The following RDH11 variants were observed in gnomAD, a reference collection of about 807,000 sequenced individuals.
RDH11 encodes retinol dehydrogenase 11.
In RDH11, 19 loss-of-function variants were observed where a neutral mutation model predicts 33.4. That is an observed-to-expected ratio of 0.57 (90% CI 0.40 to 0.83). RDH11 has a LOEUF of 0.83. Among genes scored for constraint, RDH11 ranks in the 40% least tolerant of loss-of-function variants. The probability of loss-of-function intolerance (pLI) is 0.00; values close to 1 mark genes in which losing one functional copy is unlikely to be tolerated. For missense variants in RDH11, 353 were observed against 389.0 expected, an observed-to-expected ratio of 0.91 and a Z score of 0.78; for synonymous variants, 154 against 155.3, an observed-to-expected ratio of 0.99 and a Z score of 0.06.
intron 4 of RDH11, 79 bp downstream of exon 4, chr14:67,691,061 G>A (rs910875637): frequency 6.7e-6 from 6 of 898,018 alleles, no homozygotes; most frequent in Admixed American, 5.2e-5. Flanking sequence ...CACACAACAA[G>A]AAGCCTCAAT....
intron 3 of RDH11, 88 bp downstream of exon 3, chr14:67,692,350 T>C: frequency 7.0e-7 from 1 of 1,432,882 alleles, no homozygotes; most frequent in Admixed American, 2.0e-5. Context: ...CCACCACTTC[T>C]ATGAGGAAGA....
At chr14:67,681,109 C>A (rs904279648) in intron 6 of RDH11, among the ~76,000 whole-genome samples, 14 of 152,094 alleles carry the variant, frequency 9.2e-5, no homozygotes, top group Non-Finnish European at 2.1e-4. Context: ...TAAATGAGGT[C>A]ATCAGGGCGG....
chr14:67,690,009 T>C (rs1319434313), intron 5 of RDH11: 4 of 556,170 alleles, frequency 7.2e-6, no homozygotes, highest in Non-Finnish European at 1.3e-5. Flanking sequence ...AAGCCAGGCC[T>C]TCAGACTCAA....
intron 3 of RDH11, chr14:67,692,047 G>A (rs192092465): frequency 5.9e-6 from 1 of 169,804 alleles, no homozygotes; most frequent in East Asian, 1.8e-4. Context: ...TCTATACTAT[G>A]GACCAGATGG....
intron 3 of RDH11, chr14:67,692,107 C>T (rs2037757665): frequency 9.8e-6 from 2 of 205,014 alleles, no homozygotes; most frequent in African/African-American, 2.4e-5. Context: ...AGCTCCAGCT[C>T]TCAAAGGCCT....
intron 5 of RDH11, among the ~76,000 whole-genome samples, chr14:67,687,889 A>T (rs556456312): frequency 4.6e-5 from 7 of 151,728 alleles, no homozygotes; most frequent in Admixed American, 6.6e-5. Context: ...CTCCTGCCTC[A>T]GCCTCTCCAG....
chr14:67,682,646 C>G (rs1333152747), intron 6 of RDH11, among the ~76,000 whole-genome samples: 1 of 152,186 alleles, frequency 6.6e-6, no homozygotes, highest in Non-Finnish European at 1.5e-5. Context: ...TCATAGACTG[C>G]TGGTGGGAAT....
At chr14:67,679,341 A>T (rs2037584170) in intron 6 of RDH11, among the ~76,000 whole-genome samples, 1 of 152,058 alleles carries the variant, frequency 6.6e-6, no homozygotes, top group South Asian at 2.1e-4. Flanking sequence ...ACCTTGAGGG[A>T]CACATTCAAA....
chr14:67,692,690 A>G (rs1451626732), intron 2 of RDH11, 97 bp from the exon 3 acceptor site: 1 of 1,400,600 alleles, frequency 7.1e-7, no homozygotes, highest in Non-Finnish European at 9.7e-7. Flanking sequence ...AAAAACACAC[A>G]TTTTTACCCT....
chr14:67,689,955 AAAGTT>A, intron 5 of RDH11: 1 of 396,334 alleles, frequency 2.5e-6, no homozygotes, highest in Non-Finnish European at 4.7e-6. Flanking sequence ...AAAAAAAAAA[AAAGTT>A]AAGTAACTTG....
At chr14:67,687,620 C>T (rs538021321) in intron 5 of RDH11, among the ~76,000 whole-genome samples, 6 of 151,972 alleles carry the variant, frequency 3.9e-5, no homozygotes, top group Non-Finnish European at 5.9e-5. Context: ...TACAGGCACA[C>T]GCCAACATGC....
chr14:67,690,233 C>G lies in RDH11; in HGVS notation c.643G>C (p.Glu215Gln), dbSNP rs1273010216. The G allele has an allele frequency of 3.1e-6, 5 of 1,613,508 alleles. No individual in the cohort carries two copies. Among genetic ancestry groups the G allele is most frequent in the Non-Finnish European group, 4.2e-6 (5 of 1,180,016 alleles). Residue 215 changes from glutamate to glutamine, a missense_variant, in exon 5 of 7, where the codon GAA becomes CAA. Transcript: ENST00000381346. ...SKLANILFTQ[E>Q]LARRLKGSGV... ...CCACCTTTTAGTCTCCGGGCCAGTT[C>G]CTGGGTGAAGAGGATGTTGGCTAGC...
chr14:67,682,475 A>C (rs1388863588), intron 6 of RDH11, among the ~76,000 whole-genome samples: 1 of 152,208 alleles, frequency 6.6e-6, no homozygotes, highest in African/African-American at 2.4e-5. Flanking sequence ...CCAACAAAGA[A>C]ACAAATGAAC....
chr14:67,688,077 C>T (rs2037703889), intron 5 of RDH11, among the ~76,000 whole-genome samples: 1 of 152,010 alleles, frequency 6.6e-6, no homozygotes, highest in African/African-American at 2.4e-5. Context: ...CCGGCCTCAG[C>T]CTCCACATTC....
At chr14:67,690,941 C>T (rs1434265530) in intron 4 of RDH11, 199 bp downstream of exon 4, 5 of 576,660 alleles carry the variant, frequency 8.7e-6, no homozygotes, top group African/African-American at 1.9e-5. Flanking sequence ...AAATCTAAAT[C>T]ACAGATTAAA....
At chr14:67,690,998 G>T in intron 4 of RDH11, 142 bp downstream of exon 4, 1 of 658,702 alleles carries the variant, frequency 1.5e-6, no homozygotes. Flanking sequence ...TCAGCTATCA[G>T]GTAGGACCAA....
At chr14:67,695,524 G>A in intron 1 of RDH11, 106 bp downstream of exon 1, 3 of 1,135,338 alleles carry the variant, frequency 2.6e-6, no homozygotes, top group South Asian at 1.6e-5. Flanking sequence ...CGCCATCTTG[G>A]AGCCCCCCCA....
rs755596360 is a variant in RDH11 at position 67,690,324 on chromosome 14, C to G, written c.552G>C (p.Arg184Ser). Residue 184 changes from arginine (R) to serine (S), a missense_variant, in exon 5 of 7, where the codon AGG becomes AGC. Transcript: ENST00000381346. ...CGCCCTGCAGGTTATGGAAGTGGATCCTTCCCAGGTGATGTGCGAGGGAAG... is the reference window on the plus strand; with the variant it reads ...CGCCCTGCAGGTTATGGAAGTGGATGCTTCCCAGGTGATGTGCGAGGGAAG... ...NVSSLAHHLG[R>S]IHFHNLQGEK... The G allele has an allele frequency of 6.2e-7, 1 of 1,614,104 alleles. No homozygotes were observed. The highest frequency in any genetic ancestry group is 1.7e-5 in the Admixed American group (1 of 60,024).
At chr14:67,692,326 T>C in intron 3 of RDH11, 112 bp downstream of exon 3, 1 of 1,105,906 alleles carries the variant, frequency 9.0e-7, no homozygotes, top group Non-Finnish European at 1.3e-6. Flanking sequence ...CAGAAGTTTT[T>C]GGCTATATTT....
Sources: gnomAD v4.1 joint callset for allele counts (sites outside exome capture counted in the v4.1 genomes callset) on GRCh38, gnomAD v4.1.1 for gene constraint, MANE v1.5 for transcripts, NCBI Gene and HGNC (gene_info 2026-07-23, HGNC 2026-07-21) for gene names.